Variants in ADH4 observed in about 807,000 individuals in gnomAD.
The protein encoded by ADH4 is all-trans-retinol dehydrogenase [NAD(+)] ADH4.
ADH4 carries 31 observed loss-of-function variants against 35.2 expected under a neutral mutation model. That is an observed-to-expected ratio of 0.88 (90% confidence interval 0.66 to 1.19). The LOEUF is 1.19. Ranked by LOEUF, ADH4 falls within the 50% of genes most tolerant of loss-of-function variation. The pLI, the probability that ADH4 is intolerant of heterozygous loss-of-function variation, is 0.00. For missense variants in ADH4, 476 were observed against 458.3 expected, an observed-to-expected ratio of 1.04 and a Z score of -0.35; for synonymous variants, 171 against 160.2, an observed-to-expected ratio of 1.07 and a Z score of -0.51.
intron 2 of ADH4, 43 bp from the exon 3 acceptor site, chr4:99,141,725 ATTATT>A: frequency 1.9e-6 from 3 of 1,586,670 alleles, no homozygotes; most frequent in Non-Finnish European, 2.6e-6. Context: ...CTGCAACTAT[ATTATT>A]GGGCTGGATG....
intron 5 of ADH4, among the ~76,000 whole-genome samples, chr4:99,134,775 A>G (rs1323960364): frequency 6.6e-6 from 1 of 151,484 alleles, no homozygotes; most frequent in East Asian, 1.9e-4. Flanking sequence ...AAAGGGTAGC[A>G]TTTTTGTCTA....
At chr4:99,132,991 A>G (rs991385299) in intron 5 of ADH4, among the ~76,000 whole-genome samples, 6 of 152,146 alleles carry the variant, frequency 3.9e-5, no homozygotes, top group African/African-American at 1.2e-4. Flanking sequence ...TGTTCTTATG[A>G]TGGCTTCTTT....
chr4:99,138,662 G>C (rs1350498243), intron 4 of ADH4, among the ~76,000 whole-genome samples: 1 of 152,082 alleles, frequency 6.6e-6, no homozygotes, highest in Admixed American at 6.5e-5. Flanking sequence ...TATTGTTTTT[G>C]TATATGACAC....
intron 1 of ADH4, chr4:99,143,074 A>G (rs572268165): frequency 2.6e-5 from 18 of 696,486 alleles, no homozygotes; most frequent in Non-Finnish European, 4.2e-5. Context: ...TTTTCCCTCT[A>G]TAACAGAGAG....
chr4:99,141,927 C>A (rs1729637589), intron 2 of ADH4, among the ~76,000 whole-genome samples: 2 of 152,112 alleles, frequency 1.3e-5, no homozygotes, highest in Non-Finnish European at 2.9e-5. Context: ...ATAGGATTGG[C>A]AATTATTGCC....
At chr4:99,137,461 C>T (rs1017621209) in intron 4 of ADH4, among the ~76,000 whole-genome samples, 6 of 151,926 alleles carry the variant, frequency 3.9e-5, no homozygotes, top group Non-Finnish European at 5.9e-5. Context: ...GGGGTTTCTC[C>T]GTGTTGGTCA....
rs144207170 is a variant in ADH4, at chr4:99,139,121, G to C, written c.290C>G (p.Pro97Arg). Residue 97 changes from proline (P) to arginine (R), a missense_variant, in exon 4 of 9, where the codon CCT (proline) becomes CGT (arginine). Pro to Arg is a moderately radical substitution (Grantham distance 103). Transcript: ENST00000265512. The part of the protein sequence containing the change: ...PGDKVIPLYA[P>R]LCRKCKFCLS... ...ACAAAACTTGCATTTTCTACATAGA[G>C]GTGCATAAAGTGGAATTACTTTGTC... is the stretch of plus-strand genomic sequence containing the variant. 33 of 1,613,074 alleles carry C rather than the reference G, an allele frequency of 2.0e-5. No individual in the cohort carries two copies. The highest frequency in any genetic ancestry group is 2.8e-5 in the Non-Finnish European group (33 of 1,179,582).
intron 5 of ADH4, 92 bp from the exon 6 acceptor site, chr4:99,131,856 A>G (rs913183297): frequency 8.6e-5 from 119 of 1,382,752 alleles, no homozygotes; most frequent in Admixed American, 3.0e-4. Context: ...GCATGAACAT[A>G]TGAATTAAAG....
chr4:99,133,968 G>A (rs1729361051), intron 5 of ADH4, among the ~76,000 whole-genome samples: 1 of 152,132 alleles, frequency 6.6e-6, no homozygotes. Context: ...ACACAATGGA[G>A]TACTAATTAT....
chr4:99,135,155 G>C (rs539690430), intron 5 of ADH4, among the ~76,000 whole-genome samples: 9 of 152,242 alleles, frequency 5.9e-5, no homozygotes, highest in Admixed American at 2.0e-4. Context: ...ACAGAGGCTG[G>C]TGGTGGCTGA....
intron 6 of ADH4, among the ~76,000 whole-genome samples, chr4:99,129,666 C>T (rs1308983915): frequency 6.6e-6 from 1 of 152,142 alleles, no homozygotes; most frequent in African/African-American, 2.4e-5. Context: ...TTTTCTTTAG[C>T]TTTTTCATCA....
At position 99,139,149 on chromosome 4, in the gene ADH4, C is replaced by T. The variant is rs1298561483; in HGVS notation, c.263-1G>A. 6.2e-7 allele frequency: 1 copy of T among 1,611,004 alleles called. No homozygotes were observed. Among genetic ancestry groups the T allele is most frequent in the Non-Finnish European group, 8.5e-7 (1 of 1,177,948 alleles). Reference sequence around the variant, plus strand: ...GCATAAAGTGGAATTACTTTGTCACCTAGAAAGAAAGGCCATATGTTGGAT... The same window carrying T: ...GCATAAAGTGGAATTACTTTGTCACTTAGAAAGAAAGGCCATATGTTGGAT... On this transcript the variant is annotated splice_acceptor_variant, in intron 3 of 8. Transcript: ENST00000265512. LOFTEE classifies it high-confidence loss of function.
chr4:99,141,502 A>T, intron 3 of ADH4, 39 bp downstream of exon 3: 1 of 1,582,178 alleles, frequency 6.3e-7, no homozygotes, highest in Non-Finnish European at 8.6e-7. Flanking sequence ...TCTCTGAAAT[A>T]TTGTGACATT....
At chr4:99,141,781 T>C in intron 2 of ADH4, 99 bp from the exon 3 acceptor site, 1 of 1,162,468 alleles carries the variant, frequency 8.6e-7, no homozygotes, top group Non-Finnish European at 1.2e-6. Flanking sequence ...TAAAACTTTA[T>C]AAGACTTCTA....
chr4:99,127,373 G>T, intron 6 of ADH4, 29 bp from the exon 7 acceptor site: 1 of 1,544,152 alleles, frequency 6.5e-7, no homozygotes, highest in Non-Finnish European at 8.7e-7. Context: ...GAATACTTGA[G>T]TCAGTGGAAA....
intron 8 of ADH4, 115 bp from the exon 9 acceptor site, chr4:99,124,581 A>G (rs1729022900): frequency 3.2e-6 from 2 of 625,948 alleles, no homozygotes; most frequent in African/African-American, 1.9e-5. Context: ...ATAGACATTC[A>G]CTTTATTAAG....
At chr4:99,140,031 GCC>G (rs1214454616) in intron 3 of ADH4, among the ~76,000 whole-genome samples, 5 of 152,162 alleles carry the variant, frequency 3.3e-5, no homozygotes, top group African/African-American at 4.8e-5. Flanking sequence ...GGATTACATA[GCC>G]CATATTCCAG....
intron 5 of ADH4, among the ~76,000 whole-genome samples, chr4:99,134,844 A>G (rs1729388192): frequency 6.6e-6 from 1 of 150,892 alleles, no homozygotes; most frequent in South Asian, 2.1e-4. Flanking sequence ...TACTAGATCA[A>G]CCTCTTATTG....
chr4:99,136,456 A>AT lies in ADH4; in HGVS notation c.582+9_582+10insA. The AT allele has an allele frequency of 6.2e-7, 1 of 1,610,402 alleles. No individual in the cohort carries two copies. Among genetic ancestry groups the AT allele is most frequent in the African/African-American group, 1.3e-5 (1 of 74,986 alleles). On this transcript the variant is annotated intron_variant, in intron 5 of 8. Coordinates refer to ENST00000265512, the MANE Select transcript of ADH4 (RefSeq NM_000670.5). ...TTCTGTTTTACACAAACTGGTGTTT[A>AT]ACCATTTACCTTGGCATTGTTGATT... is the stretch of plus-strand genomic sequence containing the variant.
Sources: gnomAD v4.1 joint callset for allele counts (sites outside exome capture counted in the v4.1 genomes callset) on GRCh38, gnomAD v4.1.1 for gene constraint, MANE v1.5 for transcripts, NCBI Gene and HGNC (gene_info 2026-07-23, HGNC 2026-07-21) for gene names.